The following SLC25A53 variants were observed in gnomAD, a reference collection of about 807,000 sequenced individuals.
The protein encoded by SLC25A53 is solute carrier family 25 member 53.
A neutral mutation model predicts 15.0 loss-of-function variants in SLC25A53; 5 were observed. The observed-to-expected ratio is 0.33, with a 90% CI of 0.17 to 0.70. The LOEUF (loss-of-function observed/expected upper bound fraction) is 0.70. SLC25A53 is among the 30% of genes least tolerant of loss of function. The probability of loss-of-function intolerance (pLI) is 0.67; values close to 1 mark genes in which losing one functional copy is unlikely to be tolerated. For missense variants in SLC25A53, 216 were observed against 241.6 expected (o/e 0.89, Z 0.70); for synonymous variants, 95 against 100.0 (o/e 0.95, Z 0.30).
chrX:104,138,690 G>A (rs1472415886), intron 1 of SLC25A53, among the ~76,000 whole-genome samples: 1 of 112,437 alleles, frequency 8.9e-6, no homozygotes, highest in Non-Finnish European at 1.9e-5. Flanking sequence ...ATTTTATTAA[G>A]TGGAAGTAGC....
At chrX:104,146,971 C>A (rs1221618562) in intron 1 of SLC25A53, among the ~76,000 whole-genome samples, 1 of 111,437 alleles carries the variant, frequency 9.0e-6, no homozygotes, top group African/African-American at 3.3e-5. Flanking sequence ...TCATATGGAA[C>A]CAAAAAAGAG....
At position 104,128,777 on chromosome X, in the gene SLC25A53, T is replaced by TAC. The variant is rs781789903; in HGVS notation, c.-31-23491_-31-23490dup. 2.4e-3 allele frequency among the ~76,000 whole-genome samples: 255 copies of TAC among 106,595 alleles called. 1 individual carries two copies. The highest frequency in any genetic ancestry group is 4.3e-3 in the African/African-American group (126 of 29,423). The allele number at this position is 106,595 out of a possible 115,157, so 92.6% of individuals were successfully genotyped here. ...ATAAACAGACACAGACACACACACG[T>TAC]ACACACACACACACACACACCCATG... On this transcript the variant is annotated intron_variant, in intron 1 of 1. Transcript: ENST00000594199.
intron 1 of SLC25A53, among the ~76,000 whole-genome samples, chrX:104,134,250 A>C (rs2075431732): frequency 8.9e-6 from 1 of 112,267 alleles, no homozygotes; most frequent in Non-Finnish European, 1.9e-5. Flanking sequence ...TTTCTCTTAC[A>C]GCAGAGACTT....
chrX:104,150,184 G>C (rs1227024055), intron 1 of SLC25A53, among the ~76,000 whole-genome samples: 1 of 105,429 alleles, frequency 9.5e-6, no homozygotes. Flanking sequence ...AGTGAGCTGA[G>C]ATCGCACCAC....
chrX:104,104,472 C>T lies in SLC25A53; in HGVS notation c.786G>A (p.Arg262=). Residue 262 remains arginine, a synonymous_variant, in exon 2 of 2, where the codon CGG becomes CGA. Transcript: ENST00000594199. ...WASAQDVWNT[R]GRKLLLIYRG... ...GGTAGATCAGGAGCAGCTTTCGGCC[C>T]CGAGTGTTCCATACATCCTGGGCAG... 1 of 1,211,953 alleles carries T rather than the reference C, an allele frequency of 8.3e-7. No homozygotes were observed. Among genetic ancestry groups the T allele is most frequent in the East Asian group, 3.0e-5 (1 of 33,829 alleles).
In SLC25A53 at chrX:104,145,191, C is replaced by T. The variant is rs934955197; in HGVS notation, c.-32+11687G>A. Among the ~76,000 whole-genome samples, 3 of 111,931 alleles carry T rather than the reference C, an allele frequency of 2.7e-5. No homozygotes were observed. In the Admixed American group the frequency reaches 2.8e-4, roughly 11 times the overall value. On this transcript the variant is annotated intron_variant, in intron 1 of 1. Transcript: ENST00000594199. ...ACCACACAAATACATGGAAACTAAA[C>T]AACCTGCTCCTGAATGACTACCAGG... is the stretch of plus-strand genomic sequence containing the variant.
intron 1 of SLC25A53, among the ~76,000 whole-genome samples, chrX:104,145,733 C>A (rs377459957): frequency 3.6e-5 from 4 of 112,289 alleles, no homozygotes; most frequent in African/African-American, 1.3e-4. Context: ...TTCCTGCACA[C>A]ATACACCTTC....
chrX:104,144,632 ATG>A (rs1200165177), intron 1 of SLC25A53, among the ~76,000 whole-genome samples: 3 of 111,813 alleles, frequency 2.7e-5, no homozygotes, highest in Non-Finnish European at 3.8e-5. Flanking sequence ...GTAGTTGCCT[ATG>A]CTGACGAGCC....
At chrX:104,148,138 C>A (rs1320140855) in intron 1 of SLC25A53, among the ~76,000 whole-genome samples, 2 of 109,304 alleles carry the variant, frequency 1.8e-5, no homozygotes, top group African/African-American at 6.7e-5. Flanking sequence ...ATGATGAGTT[C>A]ATGTCCTTTG....
chrX:104,115,284 G>C (rs2147869541), intron 1 of SLC25A53: 5 of 1,180,994 alleles, frequency 4.2e-6, no homozygotes, highest in Non-Finnish European at 5.7e-6. Context: ...GGTCAAAAGA[G>C]GTCCCTGGAG....
chrX:104,142,210 C>T (rs782225926), intron 1 of SLC25A53, among the ~76,000 whole-genome samples: 1 of 111,195 alleles, frequency 9.0e-6, no homozygotes, highest in Non-Finnish European at 1.9e-5. Context: ...CACTGTTGCA[C>T]TCCAACTGTC....
At chrX:104,129,597 T>C (rs782739594) in intron 1 of SLC25A53, among the ~76,000 whole-genome samples, 25 of 110,725 alleles carry the variant, frequency 2.3e-4, no homozygotes, top group Non-Finnish European at 4.0e-4. Flanking sequence ...ACTGAGTGCC[T>C]GACAACTAAA....
At chrX:104,123,282 T>G (rs2075400392) in intron 1 of SLC25A53, among the ~76,000 whole-genome samples, 1 of 112,855 alleles carries the variant, frequency 8.9e-6, no homozygotes, top group South Asian at 3.6e-4. Context: ...TCTCAGGAAC[T>G]GCCCTTGCAT....
chrX:104,107,638 A>T (rs1359619926), intron 1 of SLC25A53, among the ~76,000 whole-genome samples: 1 of 112,293 alleles, frequency 8.9e-6, no homozygotes, highest in Non-Finnish European at 1.9e-5. Context: ...CTTCTACCTC[A>T]GAGTGCAATA....
At position 104,103,632 on chromosome X, in the gene SLC25A53, C is replaced by G. The variant is rs781929028; in HGVS notation, c.*702G>C. Reference sequence around the variant, plus strand: ...AAATGTCCTAGCAGATAACACCAAGCAGACTATAGCAAATGTTTCTATTTT... The same window carrying G: ...AAATGTCCTAGCAGATAACACCAAGGAGACTATAGCAAATGTTTCTATTTT... On this transcript the variant is annotated 3_prime_UTR_variant, in exon 2 of 2. Transcript: ENST00000594199. 8.9e-6 allele frequency: 1 copy of G among 112,000 alleles called. No homozygotes were observed. The highest frequency in any genetic ancestry group is 3.2e-5 in the African/African-American group (1 of 30,786). 9.2% of individuals were successfully genotyped at this position (112,000 alleles called of 1,213,427 possible).
intron 1 of SLC25A53, among the ~76,000 whole-genome samples, chrX:104,110,510 A>G (rs1260468900): frequency 1.2e-4 from 13 of 112,386 alleles, no homozygotes; most frequent in African/African-American, 3.6e-4. Flanking sequence ...ACCTTGGCAG[A>G]CTGAAGATGA....
At chrX:104,138,449 G>C (rs1459412589) in intron 1 of SLC25A53, among the ~76,000 whole-genome samples, 2 of 112,448 alleles carry the variant, frequency 1.8e-5, no homozygotes, top group African/African-American at 6.5e-5. Flanking sequence ...GGAGCATACA[G>C]ATGGGCTGGG....
intron 1 of SLC25A53, among the ~76,000 whole-genome samples, chrX:104,147,806 T>C (rs1442936686): frequency 9.1e-6 from 1 of 109,709 alleles, no homozygotes; most frequent in African/African-American, 3.3e-5. Context: ...AAACAACAGG[T>C]GCTGGAGAGG....
chrX:104,142,981 G>C (rs2075455337), intron 1 of SLC25A53, among the ~76,000 whole-genome samples: 1 of 109,212 alleles, frequency 9.2e-6, no homozygotes, highest in Admixed American at 9.9e-5. Context: ...AGGCAAACAG[G>C]GTCTGGAGTG....
Sources: allele counts gnomAD v4.1 joint callset (sites outside exome capture counted in the v4.1 genomes callset), GRCh38; gene constraint gnomAD v4.1.1; transcripts MANE v1.5; gene names NCBI Gene and HGNC (gene_info 2026-07-23, HGNC 2026-07-21).